LRP1B: variants seen among roughly 807,000 people sequenced by gnomAD.
LRP1B encodes the protein low-density lipoprotein receptor-related protein 1B.
LRP1B carries 217 observed loss-of-function variants against 556.6 expected under a neutral mutation model. The ratio of observed to expected loss-of-function variants is 0.39; its 90% CI spans 0.35 to 0.44. The LOEUF is 0.44. Ranked by LOEUF, LRP1B falls within the 20% of genes least tolerant of loss-of-function variation. The pLI is 1.00. For synonymous variants in LRP1B, 2,047 were observed against 1,865.8 expected, an observed-to-expected ratio of 1.10 and a Z score of -2.50; for missense variants, 5,053 against 5,620.8, an observed-to-expected ratio of 0.90 and a Z score of 3.23.
chr2:141,276,658 C>CTTTCTT (rs61184600), intron 3 of LRP1B, among the ~76,000 whole-genome samples: 86 of 122,918 alleles, frequency 7.0e-4, no homozygotes, highest in African/African-American at 2.5e-3. Context: ...TTCTTTCTTT[C>CTTTCTT]TTTTTTTTTT....
At chr2:141,918,282 T>G (rs1029770597) in intron 1 of LRP1B, among the ~76,000 whole-genome samples, 8 of 151,998 alleles carry the variant, frequency 5.3e-5, no homozygotes, top group Non-Finnish European at 1.0e-4. Flanking sequence ...ACAATGAACA[T>G]GTGCTACCTA....
chr2:140,413,905 G>A (rs35240294), intron 66 of LRP1B, among the ~76,000 whole-genome samples: 13,867 of 151,984 alleles, frequency 0.091, 748 homozygotes, highest in Middle Eastern at 0.14. Flanking sequence ...TTTTTTTCCA[G>A]AAATACTTTC....
chr2:141,863,094 C>A (rs1012973322), intron 1 of LRP1B, among the ~76,000 whole-genome samples: 2 of 152,084 alleles, frequency 1.3e-5, no homozygotes, highest in Non-Finnish European at 2.9e-5. Flanking sequence ...TCCTATTGCC[C>A]ACTGGATGAA....
At position 140,517,011 on chromosome 2, in the gene LRP1B, A is replaced by T. The variant is rs1158152436; in HGVS notation, c.8027T>A (p.Val2676Asp). Residue 2676 changes from valine (V) to aspartate (D), a missense_variant and splice_region_variant, in exon 50 of 91, where the codon GTT (valine) becomes GAT (aspartate). Val to Asp is a radical substitution (Grantham distance 152). This residue lies in a region of LRP1B where 3,619 missense variants were observed against 3,931.9 expected (regional missense o/e 0.92). Transcript: ENST00000389484. ...TTCTTCACATTTGTGTTTGTTTTGA[A>T]CTGTGATAAAATATGGAATGTCAAA... ...GDYSDELKCP[V>D]QNKHKCEENY... 1 of 1,570,928 alleles carries T rather than the reference A, an allele frequency of 6.4e-7. No individual in the cohort carries two copies. Among genetic ancestry groups the T allele is most frequent in the Non-Finnish European group, 8.8e-7 (1 of 1,141,214 alleles).
chr2:142,022,740 G>A (rs1703377711), intron 1 of LRP1B, among the ~76,000 whole-genome samples: 2 of 151,924 alleles, frequency 1.3e-5, no homozygotes, highest in South Asian at 2.1e-4. Flanking sequence ...GCACCATCTC[G>A]GCTCACTGCA....
At chr2:141,908,484 A>G (rs1699820230) in intron 1 of LRP1B, among the ~76,000 whole-genome samples, 1 of 152,040 alleles carries the variant, frequency 6.6e-6, no homozygotes, top group African/African-American at 2.4e-5. Flanking sequence ...GAAAAACCAT[A>G]TGATAAGATA....
At chr2:141,054,204 C>T (rs1699117658) in intron 10 of LRP1B, among the ~76,000 whole-genome samples, 1 of 151,816 alleles carries the variant, frequency 6.6e-6, no homozygotes, top group Non-Finnish European at 1.5e-5. Context: ...AGCACATGAC[C>T]AGAGGGTGGA....
At chr2:141,392,921 C>A (rs1312855513) in intron 3 of LRP1B, among the ~76,000 whole-genome samples, 1 of 152,176 alleles carries the variant, frequency 6.6e-6, no homozygotes, top group Non-Finnish European at 1.5e-5. Flanking sequence ...CAAACAATTT[C>A]TCAGTTTCAC....
At chr2:141,672,515 G>A (rs1420563635) in intron 2 of LRP1B, among the ~76,000 whole-genome samples, 1 of 152,162 alleles carries the variant, frequency 6.6e-6, no homozygotes, top group African/African-American at 2.4e-5. Context: ...GTGATTGCAG[G>A]ACTGAACTTA....
At chr2:140,745,469 G>A (rs905533217) in intron 35 of LRP1B, among the ~76,000 whole-genome samples, 19 of 152,112 alleles carry the variant, frequency 1.2e-4, no homozygotes, top group Admixed American at 1.2e-3. Context: ...GCTTTCTTCT[G>A]TCAAGTTAAC....
intron 7 of LRP1B, among the ~76,000 whole-genome samples, chr2:141,187,207 C>A (rs1681299916): frequency 6.6e-6 from 1 of 152,040 alleles, no homozygotes; most frequent in Admixed American, 6.6e-5. Flanking sequence ...CCATCTGCTG[C>A]AAATACAAAT....
At chr2:142,041,693 C>T (rs1156991604) in intron 1 of LRP1B, among the ~76,000 whole-genome samples, 1 of 151,402 alleles carries the variant, frequency 6.6e-6, no homozygotes, top group Non-Finnish European at 1.5e-5. Flanking sequence ...TTTTGTTGTA[C>T]TGGCTTGTAT....
rs569756178 is a variant in LRP1B, at chr2:141,328,452, T to A, written c.344-73811A>T. Among the ~76,000 whole-genome samples the A allele has an allele frequency of 2.6e-5, 4 of 152,332 alleles. 1 individual carries two copies. In the South Asian group the frequency reaches 8.3e-4, roughly 32 times the overall value. On this transcript the variant is annotated intron_variant, in intron 3 of 90. Transcript: ENST00000389484. ...TTTTCCTTCTCCTCCTCTCTCCTCA[T>A]GCTCAATCCTTCCACAGGATCATAT...
intron 37 of LRP1B, among the ~76,000 whole-genome samples, chr2:140,714,156 G>T (rs6746848): frequency 0.7 from 106,702 of 151,982 alleles, 37,731 homozygotes; most frequent in Non-Finnish European, 0.75. Flanking sequence ...TCTTATTCAT[G>T]CCAGCATACT....
rs1386055805 is a variant in LRP1B at position 140,540,965 on chromosome 2, T to C, written c.7513+8A>G. ...TTGTCATATTACATTTCAATTCCCT[T>C]TACTTACTCACACATCTGTTGTCCT... On this transcript the variant is annotated splice_region_variant and intron_variant, in intron 45 of 90. Coordinates refer to ENST00000389484, the MANE Select transcript of LRP1B (RefSeq NM_018557.3). 1.2e-6 allele frequency: 2 copies of C among 1,605,152 alleles called. No individual in the cohort carries two copies. Among genetic ancestry groups the C allele is most frequent in the Non-Finnish European group, 1.7e-6 (2 of 1,175,630 alleles).
intron 7 of LRP1B, among the ~76,000 whole-genome samples, chr2:141,156,445 G>A (rs7597725): frequency 1.4e-4 from 22 of 151,828 alleles, no homozygotes; most frequent in Admixed American, 3.9e-4. Context: ...TGGCCAACAC[G>A]GTGAAAACCC....
intron 2 of LRP1B, among the ~76,000 whole-genome samples, chr2:141,786,723 A>G (rs1241576817): frequency 6.6e-6 from 1 of 151,916 alleles, no homozygotes; most frequent in Non-Finnish European, 1.5e-5. Flanking sequence ...GTTCTTGATC[A>G]ACCAAAAAAA....
At position 141,656,098 on chromosome 2, in the gene LRP1B, TA is replaced by T. The variant is rs1484707911; in HGVS notation, c.205+154180del. Among the ~76,000 whole-genome samples, 45 of 152,164 alleles carry T rather than the reference TA, an allele frequency of 3.0e-4. 1 individual carries two copies. Among genetic ancestry groups the T allele is most frequent in the Admixed American group, 2.0e-3 (30 of 15,274 alleles). On this transcript the variant is annotated intron_variant, in intron 2 of 90. Coordinates refer to ENST00000389484, the MANE Select transcript of LRP1B (RefSeq NM_018557.3). ...GACACAAAGTGGTTATGTGACTTGC[TA>T]AAGTCGCATTGCTAGTACAGAACTG...
In LRP1B at chr2:142,079,590, C is replaced by G. The variant is rs185697034; in HGVS notation, c.82+51058G>C. Among the ~76,000 whole-genome samples the G allele has an allele frequency of 6.2e-3, 938 of 152,078 alleles. 10 individuals carry two copies. Among genetic ancestry groups the G allele is most frequent in the African/African-American group, 0.021 (865 of 41,458 alleles). ...TGGTGCTATCTTGGCTCACTGCAACCTCCGCCTCCCAGGTGTTCACATGAT... is the reference window on the plus strand; with the variant it reads ...TGGTGCTATCTTGGCTCACTGCAACGTCCGCCTCCCAGGTGTTCACATGAT... On this transcript the variant is annotated intron_variant, in intron 1 of 90. Coordinates refer to ENST00000389484, the MANE Select transcript of LRP1B (RefSeq NM_018557.3).
Sources: allele counts gnomAD v4.1 joint callset (sites outside exome capture counted in the v4.1 genomes callset), GRCh38; gene constraint gnomAD v4.1.1; regional missense constraint gnomAD v4.1.1; transcripts MANE v1.5; gene names NCBI Gene and HGNC (gene_info 2026-07-23, HGNC 2026-07-21).